The following SEPTIN10 variants were observed in gnomAD, a reference collection of about 807,000 sequenced individuals.
SEPTIN10 encodes the protein septin 10.
SEPTIN10 carries 66 observed loss-of-function variants against 54.8 expected under a neutral mutation model. The ratio of observed to expected loss-of-function variants is 1.21; its 90% CI spans 0.99 to 1.48. SEPTIN10 has a LOEUF of 1.48. Ranked by LOEUF, SEPTIN10 falls within the 40% of genes most tolerant of loss-of-function variation. The pLI is 0.00. For missense variants in SEPTIN10, 620 were observed against 545.6 expected (o/e 1.14, Z -1.36); for synonymous variants, 161 against 181.0 (o/e 0.89, Z 0.89).
chr2:109,585,340 C>T lies in SEPTIN10; in HGVS notation c.218-19G>A. 1 of 1,571,734 alleles carries T rather than the reference C, an allele frequency of 6.4e-7. No homozygotes were observed. The highest frequency in any genetic ancestry group is 8.7e-7 in the Non-Finnish European group (1 of 1,155,726). Reference sequence around the variant, plus strand: ...GTTTCCCCTGAAACACACAAAGGTACATCTTTATGGTTGCATGAATGGCTG... The same window carrying T: ...GTTTCCCCTGAAACACACAAAGGTATATCTTTATGGTTGCATGAATGGCTG... On this transcript the variant is annotated intron_variant, in intron 3 of 10. Coordinates refer to ENST00000397712, the MANE Select transcript of SEPTIN10 (RefSeq NM_144710.5).
chr2:109,570,878 C>A (rs1688209657), intron 5 of SEPTIN10, among the ~76,000 whole-genome samples: 1 of 152,082 alleles, frequency 6.6e-6, no homozygotes, highest in South Asian at 2.1e-4. Context: ...TGCAAGGATA[C>A]AAGTAGGTTA....
intron 1 of SEPTIN10, among the ~76,000 whole-genome samples, chr2:109,594,264 A>G (rs866472514): frequency 1.6e-5 from 2 of 121,528 alleles, no homozygotes; most frequent in African/African-American, 3.4e-5. Context: ...TATTAATATG[A>G]ATGTGGTAAA....
At chr2:109,595,732 G>A (rs1285646352) in intron 1 of SEPTIN10, among the ~76,000 whole-genome samples, 3 of 152,194 alleles carry the variant, frequency 2.0e-5, no homozygotes, top group African/African-American at 2.4e-5. Flanking sequence ...AGGAAAAAAC[G>A]AACAGATTAG....
intron 8 of SEPTIN10, among the ~76,000 whole-genome samples, chr2:109,563,174 G>C (rs1686112171): frequency 6.6e-6 from 1 of 152,154 alleles, no homozygotes; most frequent in Non-Finnish European, 1.5e-5. Context: ...GCCTCCCAAA[G>C]TGCTGGGATT....
intron 10 of SEPTIN10, 165 bp downstream of exon 10, chr2:109,545,885 G>A: frequency 7.6e-6 from 11 of 1,447,702 alleles, no homozygotes; most frequent in South Asian, 6.0e-5. Flanking sequence ...TGGGGAAACA[G>A]CAGTGAACAA....
chr2:109,561,121 G>T (rs1685551996), intron 8 of SEPTIN10, among the ~76,000 whole-genome samples: 1 of 152,128 alleles, frequency 6.6e-6, no homozygotes, highest in African/African-American at 2.4e-5. Context: ...GCTGCTGCCT[G>T]CCTGTTCTCT....
chr2:109,586,450 T>C (rs371352841), intron 2 of SEPTIN10, among the ~76,000 whole-genome samples: 24 of 152,296 alleles, frequency 1.6e-4, no homozygotes, highest in African/African-American at 5.1e-4. Flanking sequence ...AAAAGGAAGA[T>C]AGAGCTCAGG....
chr2:109,566,424 G>A (rs1687049169), intron 6 of SEPTIN10, among the ~76,000 whole-genome samples: 1 of 151,988 alleles, frequency 6.6e-6, no homozygotes, highest in African/African-American at 2.4e-5. Context: ...TTATAGGTGT[G>A]AGCCACCACA....
At chr2:109,589,144 TTTTG>T (rs1425196397) in intron 2 of SEPTIN10, among the ~76,000 whole-genome samples, 4 of 152,124 alleles carry the variant, frequency 2.6e-5, no homozygotes, top group Admixed American at 6.5e-5. Context: ...TTGTTTTGTT[TTTTG>T]TTTTTCTTTT....
intron 8 of SEPTIN10, among the ~76,000 whole-genome samples, chr2:109,553,858 A>C (rs1683714275): frequency 6.6e-6 from 1 of 152,122 alleles, no homozygotes; most frequent in Non-Finnish European, 1.5e-5. Flanking sequence ...TGTCTCAAAA[A>C]AAAAAAAAAA....
At chr2:109,595,925 C>T (rs1282680932) in intron 1 of SEPTIN10, among the ~76,000 whole-genome samples, 3 of 152,210 alleles carry the variant, frequency 2.0e-5, no homozygotes, top group Admixed American at 2.0e-4. Flanking sequence ...ACCTAACATA[C>T]TACCTGCTTG....
chr2:109,589,402 C>T (rs1437570837), intron 2 of SEPTIN10, among the ~76,000 whole-genome samples: 1 of 152,060 alleles, frequency 6.6e-6, no homozygotes, highest in Non-Finnish European at 1.5e-5. Context: ...CATGGTGGTG[C>T]ATGCCTGTAG....
intron 1 of SEPTIN10, chr2:109,594,787 T>C (rs947908174): frequency 2.4e-4 from 37 of 152,114 alleles, no homozygotes; most frequent in African/African-American, 8.9e-4. Context: ...AGAGACAAAA[T>C]AGTGTACATC....
intron 8 of SEPTIN10, among the ~76,000 whole-genome samples, chr2:109,555,771 A>G (rs190592610): frequency 1.2e-4 from 18 of 152,338 alleles, no homozygotes; most frequent in African/African-American, 2.2e-4. Context: ...AAACGGCTTA[A>G]GAAGCTTGGG....
chr2:109,545,630 A>G, intron 10 of SEPTIN10: 1 of 1,519,490 alleles, frequency 6.6e-7, no homozygotes, highest in East Asian at 2.5e-5. Context: ...ATAAAATACT[A>G]TCTTATGTCT....
chr2:109,609,176 A>T (rs1471935780), intron 1 of SEPTIN10, among the ~76,000 whole-genome samples: 1 of 152,238 alleles, frequency 6.6e-6, no homozygotes, highest in African/African-American at 2.4e-5. Flanking sequence ...TCATTAGAAC[A>T]TAAGTGTAGA....
chr2:109,601,771 A>G (rs1307697569), intron 1 of SEPTIN10, among the ~76,000 whole-genome samples: 1 of 152,182 alleles, frequency 6.6e-6, no homozygotes, highest in Non-Finnish European at 1.5e-5. Flanking sequence ...AAGTTAAAAA[A>G]AAAAAAAGCA....
At chr2:109,613,192 T>C (rs1170211706) in intron 1 of SEPTIN10, 14 of 1,288,232 alleles carry the variant, frequency 1.1e-5, no homozygotes, top group Non-Finnish European at 1.3e-5. Context: ...GGAAAACCGC[T>C]GGCTTACTAA....
chr2:109,552,202 G>A (rs1016195286), intron 9 of SEPTIN10, among the ~76,000 whole-genome samples: 2 of 152,266 alleles, frequency 1.3e-5, no homozygotes, highest in African/African-American at 4.8e-5. Flanking sequence ...ATCTCCCCTG[G>A]TCCGTGGAAA....
Sources: gnomAD v4.1 joint callset for allele counts (sites outside exome capture counted in the v4.1 genomes callset) on GRCh38, gnomAD v4.1.1 for gene constraint, MANE v1.5 for transcripts, NCBI Gene and HGNC (gene_info 2026-07-23, HGNC 2026-07-21) for gene names.